Variants in FAM81A observed in about 807,000 individuals in gnomAD.
FAM81A encodes family with sequence similarity 81 member A.
FAM81A carries 19 observed loss-of-function variants against 46.7 expected under a neutral mutation model. The observed-to-expected ratio is 0.41, with a 90% confidence interval of 0.28 to 0.60. The LOEUF (loss-of-function observed/expected upper bound fraction) is 0.60. Among genes scored for constraint, FAM81A ranks in the 20% least tolerant of loss-of-function variants. FAM81A has a pLI of 0.34. For missense variants in FAM81A, 377 were observed against 453.5 expected, an observed-to-expected ratio of 0.83 and a Z score of 1.53; for synonymous variants, 183 against 152.9, an observed-to-expected ratio of 1.20 and a Z score of -1.45.
At chr15:59,447,089 C>A (rs904020889) in intron 1 of FAM81A, among the ~76,000 whole-genome samples, 1 of 152,060 alleles carries the variant, frequency 6.6e-6, no homozygotes, top group African/African-American at 2.4e-5. Context: ...TAAAAATGTA[C>A]CCAGTGCCAC....
intron 2 of FAM81A, among the ~76,000 whole-genome samples, chr15:59,411,405 A>G (rs758056896): frequency 5.3e-5 from 8 of 152,242 alleles, no homozygotes; most frequent in Non-Finnish European, 1.0e-4. Flanking sequence ...GGTTCCCACA[A>G]GAAAAGTTGA....
intron 6 of FAM81A, among the ~76,000 whole-genome samples, chr15:59,513,746 A>G (rs1225863118): frequency 1.2e-4 from 19 of 152,220 alleles, no homozygotes; most frequent in African/African-American, 4.6e-4. Context: ...AAAGGAATAT[A>G]CATCATTCAG....
chr15:59,441,398 G>T (rs985987481), intron 1 of FAM81A, among the ~76,000 whole-genome samples: 3 of 152,262 alleles, frequency 2.0e-5, no homozygotes, highest in Non-Finnish European at 4.4e-5. Context: ...CACACGAAGT[G>T]TGGCTAGTAT....
At chr15:59,404,758 A>G (rs1283007654) in intron 2 of FAM81A, among the ~76,000 whole-genome samples, 1 of 152,210 alleles carries the variant, frequency 6.6e-6, no homozygotes, top group African/African-American at 2.4e-5. Context: ...TGCCCAGCTC[A>G]TATTCTTCAC....
chr15:59,519,837 A>G (rs2082309418), intron 8 of FAM81A, among the ~76,000 whole-genome samples: 1 of 152,262 alleles, frequency 6.6e-6, no homozygotes, highest in African/African-American at 2.4e-5. Context: ...TTGTTTCCAT[A>G]TCTTGGCTAT....
chr15:59,482,582 T>C (rs1486324582), intron 3 of FAM81A, among the ~76,000 whole-genome samples: 1 of 152,216 alleles, frequency 6.6e-6, no homozygotes, highest in Non-Finnish European at 1.5e-5. Context: ...TAGTGTCTAA[T>C]ACAGTGTATT....
intron 1 of FAM81A, among the ~76,000 whole-genome samples, chr15:59,457,526 G>A (rs1159014500): frequency 6.6e-6 from 1 of 152,196 alleles, no homozygotes; most frequent in Non-Finnish European, 1.5e-5. Flanking sequence ...CATCCACTGG[G>A]GGTCTTGGAA....
rs1400936065 is a variant in FAM81A at position 59,487,884 on chromosome 15, C to T, written c.295-4387C>T. On this transcript the variant is annotated intron_variant, in intron 3 of 8. Coordinates refer to ENST00000288228, the MANE Select transcript of FAM81A (RefSeq NM_152450.3). ...CTGAAAAGTAGAAGAGGAGGAAATACTTCCAAACTCATTCTATGAGGCCAG... is the reference window on the plus strand; with the variant it reads ...CTGAAAAGTAGAAGAGGAGGAAATATTTCCAAACTCATTCTATGAGGCCAG... Among the ~76,000 whole-genome samples, 7 of 152,226 alleles carry T rather than the reference C, an allele frequency of 4.6e-5. No homozygotes were observed. The East Asian group carries it at 1.2e-3, about 25-fold the overall frequency.
rs138650819 is a variant in FAM81A, at chr15:59,454,050, G to A, written c.-77-4500G>A. On this transcript the variant is annotated intron_variant, in intron 1 of 8. Transcript: ENST00000288228. ...GCCTGGGGATCAAGTCCAAAGGCCT[G>A]AGGGTGCTGTTGGAGGTGAGTTAGA... 5.4e-4 allele frequency among the ~76,000 whole-genome samples: 82 copies of A among 152,338 alleles called. 2 individuals carry two copies. Among genetic ancestry groups the A allele is most frequent in the African/African-American group, 1.9e-3 (80 of 41,576 alleles).
chr15:59,471,686 C>T (rs539720789), intron 3 of FAM81A, among the ~76,000 whole-genome samples: 15 of 151,364 alleles, frequency 9.9e-5, no homozygotes, highest in Non-Finnish European at 2.2e-4. Flanking sequence ...CCAGCCTCTG[C>T]CTCTGCCTCC....
Position 59,521,505 on chromosome 15 carries a change from GT to G in FAM81A, c.*132del. 1 of 1,107,100 alleles carries G rather than the reference GT, an allele frequency of 9.0e-7. No homozygotes were observed. Among genetic ancestry groups the G allele is most frequent in the Non-Finnish European group, 1.2e-6 (1 of 812,058 alleles). 68.6% of individuals were successfully genotyped at this position (1,107,100 alleles called of 1,614,324 possible). A position where few individuals can be genotyped will look rare whatever the true frequency, so the allele number is the denominator to read the frequency against. On this transcript the variant is annotated 3_prime_UTR_variant, in exon 9 of 9. Transcript: ENST00000288228. The stretch of plus-strand genomic sequence containing the variant: ...ATGGCGTGCATGTGCCAAGAAATGT[GT>G]TTTTATGGGTCTAAATGTTTACCTT...
chr15:59,408,653 C>T (rs1198398646), intron 2 of FAM81A, among the ~76,000 whole-genome samples: 1 of 152,090 alleles, frequency 6.6e-6, no homozygotes. Context: ...ACAGTGAAAA[C>T]CCATCTGTAC....
chr15:59,488,602 T>G (rs1404457363), intron 3 of FAM81A, among the ~76,000 whole-genome samples: 2 of 152,226 alleles, frequency 1.3e-5, no homozygotes, highest in African/African-American at 4.8e-5. Context: ...ATACAGAAAT[T>G]AGTGGCATTT....
intron 1 of FAM81A, chr15:59,444,298 C>A (rs1469538276): frequency 6.6e-6 from 1 of 152,158 alleles, no homozygotes; most frequent in Non-Finnish European, 1.5e-5. Flanking sequence ...CCATGCCTTA[C>A]CCGAAGAGTC....
chr15:59,471,979 G>A (rs1302816978), intron 3 of FAM81A, among the ~76,000 whole-genome samples: 4 of 152,194 alleles, frequency 2.6e-5, no homozygotes, highest in South Asian at 2.1e-4. Flanking sequence ...ATGGGTCTGT[G>A]TTGCTTTGGT....
intron 2 of FAM81A, among the ~76,000 whole-genome samples, chr15:59,412,478 C>T (rs890232793): frequency 6.6e-6 from 1 of 152,090 alleles, no homozygotes; most frequent in African/African-American, 2.4e-5. Context: ...GTAATCCCAA[C>T]GCTTTGGGAG....
chr15:59,444,106 G>A (rs1250736997), intron 1 of FAM81A: 1 of 152,316 alleles, frequency 6.6e-6, no homozygotes, highest in Non-Finnish European at 1.5e-5. Flanking sequence ...TGGCTTGCTA[G>A]TGTTATTTCC....
chr15:59,467,385 A>G (rs1272451152), intron 3 of FAM81A, among the ~76,000 whole-genome samples: 1 of 152,028 alleles, frequency 6.6e-6, no homozygotes, highest in East Asian at 1.9e-4. Context: ...CATTTTGTTG[A>G]GCAGTGGTTT....
At position 59,499,144 on chromosome 15, in the gene FAM81A, T is replaced by A. The variant is rs186755071; in HGVS notation, c.413+6755T>A. Among the ~76,000 whole-genome samples the A allele has an allele frequency of 6.1e-3, 934 of 152,334 alleles. 4 individuals are homozygous for A. The highest frequency in any genetic ancestry group is 0.011 in the Non-Finnish European group (729 of 68,028). On this transcript the variant is annotated intron_variant, in intron 4 of 8. Transcript: ENST00000288228. ...TGACCTTTTTTCAATTGATAAGGTT[T>A]ATTACACTAATTGCTTTTCTGATGT...
Sources: gnomAD v4.1 joint callset for allele counts (sites outside exome capture counted in the v4.1 genomes callset) on GRCh38, gnomAD v4.1.1 for gene constraint, MANE v1.5 for transcripts, NCBI Gene and HGNC (gene_info 2026-07-23, HGNC 2026-07-21) for gene names.